The following AIRE variants were observed in gnomAD, a reference collection of about 807,000 sequenced individuals.
AIRE encodes the protein autoimmune regulator.
Under a neutral mutation model 62.1 loss-of-function variants are expected in AIRE, and 52 were observed. The ratio of observed to expected loss-of-function variants is 0.84; its 90% confidence interval spans 0.67 to 1.06. The LOEUF is 1.06. Ranked by LOEUF, AIRE falls within the 50% of genes least tolerant of loss-of-function variation. The pLI is 0.00. For missense variants in AIRE, 774 were observed against 755.8 expected (o/e 1.02, Z -0.28); for synonymous variants, 342 against 321.6 (o/e 1.06, Z -0.68).
At position 44,288,257 on chromosome 21, in the gene AIRE, A is replaced by G. The variant is rs189626783; in HGVS notation, c.539-88A>G. On this transcript the variant is annotated intron_variant, in intron 4 of 13. Transcript: ENST00000291582. ...CCTGGCTGGAAGGAAAGGGCTCTGC[A>G]GCCCAGTGCTGCCTGCTTCTGGCAT... 1,383 of 1,119,390 alleles carry G rather than the reference A, an allele frequency of 1.2e-3. 11 individuals carry two copies. In the African/African-American group the frequency reaches 0.019, roughly 16 times the overall value. 69.3% of individuals were successfully genotyped at this position (1,119,390 alleles called of 1,614,324 possible).
In AIRE at chr21:44,293,825, G is replaced by A; in HGVS notation, c.1315G>A (p.Asp439Asn). ...APGARCGVCG[D>N]GTDVLRCTHC... ...TGGTGCGCGTTGCGGGGTGTGCGGAGATGGTACGGACGTGCTGCGGTGTAC... is the reference window on the plus strand; with the variant it reads ...TGGTGCGCGTTGCGGGGTGTGCGGAAATGGTACGGACGTGCTGCGGTGTAC... The change falls in exon 11 of 14, where the codon GAT becomes AAT. Residue 439 changes from aspartate to asparagine, a missense_variant. By Grantham distance (23) the Asp-to-Asn change is conservative. Coordinates refer to ENST00000291582, the MANE Select transcript of AIRE (RefSeq NM_000383.4). 1 of 1,596,904 alleles carries A rather than the reference G, an allele frequency of 6.3e-7. No homozygotes were observed. Among genetic ancestry groups the A allele is most frequent in the Non-Finnish European group, 8.5e-7 (1 of 1,179,600 alleles).
chr21:44,297,943 G>A lies in AIRE; in HGVS notation c.*216G>A, dbSNP rs2040628507. The A allele has an allele frequency of 1.7e-6, 1 of 578,238 alleles. No individual in the cohort carries two copies. Among genetic ancestry groups the A allele is most frequent in the East Asian group, 2.9e-5 (1 of 33,964 alleles). 35.8% of individuals were successfully genotyped at this position (578,238 alleles called of 1,614,324 possible). ...ACTTCTCTACTCTGGAAGTCCCCGG[G>A]AGCCTCTCCTTGCCTGGTGACCTAC... On this transcript the variant is annotated 3_prime_UTR_variant, in exon 14 of 14. Coordinates refer to ENST00000291582, the MANE Select transcript of AIRE (RefSeq NM_000383.4). The surrounding 1 kb of genome is among the most constrained non-coding windows in gnomAD (Gnocchi z 4.8).
At chr21:44,289,517 C>T (rs1204416310) in intron 5 of AIRE, 140 bp from the exon 6 acceptor site, 68 of 1,222,796 alleles carry the variant, frequency 5.6e-5, no homozygotes, top group Middle Eastern at 5.0e-4. Context: ...CCAGACTCGA[C>T]TGGGGTGGGG....
In AIRE at chr21:44,289,995, G is replaced by T; in HGVS notation, c.806G>T (p.Gly269Val). 6.2e-7 allele frequency: 1 copy of T among 1,611,084 alleles called. No homozygotes were observed. The highest frequency in any genetic ancestry group is 8.5e-7 in the Non-Finnish European group (1 of 1,179,348). ...CGCCCCTCTTCCTTGCAGGGTGGAGGTGAGGCTAGGCTGGGCCAGCAGGGC... is the reference window on the plus strand; with the variant it reads ...CGCCCCTCTTCCTTGCAGGGTGGAGTTGAGGCTAGGCTGGGCCAGCAGGGC... ...KGAQGAAPGG[G>V]EARLGQQGSV... The change falls in exon 7 of 14, where the codon GGT (glycine) becomes GTT (valine). Residue 269 changes from glycine to valine, a missense_variant. By Grantham distance (109) the Gly-to-Val change is moderately radical. Around this residue, in one of 3 missense-constraint regions of AIRE, gnomAD observed 385 missense variants for 396.0 expected, o/e 0.97. Coordinates refer to ENST00000291582, the MANE Select transcript of AIRE (RefSeq NM_000383.4).
Position 44,291,357 on chromosome 21 carries a change from G to T in AIRE, c.995+147G>T, listed in dbSNP as rs1237394783. ...CAGGTCACTGGGCCGTGGGGCCGGG[G>T]CCTGGGGTTTTCCCACCCTGCCACC... On this transcript the variant is annotated intron_variant, in intron 8 of 13. Coordinates refer to ENST00000291582, the MANE Select transcript of AIRE (RefSeq NM_000383.4). 5.1e-6 allele frequency: 7 copies of T among 1,363,146 alleles called. No homozygotes were observed. The African/African-American group carries it at 1.0e-4, about 20-fold the overall frequency. 84.4% of individuals were successfully genotyped at this position (1,363,146 alleles called of 1,614,324 possible). A position where few individuals can be genotyped will look rare whatever the true frequency, so the allele number is the denominator to read the frequency against.
chr21:44,286,076 A>T lies in AIRE; in HGVS notation c.70A>T (p.Ser24Cys). Reference protein sequence around the residue: ...HRTEIAVAVDSAFPLLHALAD... With the variant: ...HRTEIAVAVDCAFPLLHALAD... ...CACGGAGATCGCGGTGGCCGTGGAC[A>T]GCGCCTTCCCACTGCTGCACGCGCT... Residue 24 changes from serine (S) to cysteine (C), a missense_variant, in exon 1 of 14, where the codon AGC (serine) becomes TGC (cysteine). Physicochemically the swap from Ser to Cys is moderately radical, Grantham distance 112 (BLOSUM62 -1). Coordinates refer to ENST00000291582, the MANE Select transcript of AIRE (RefSeq NM_000383.4). The surrounding 1 kb of genome is among the most constrained non-coding windows in gnomAD (Gnocchi z 6.0). 1 of 1,544,378 alleles carries T rather than the reference A, an allele frequency of 6.5e-7. No homozygotes were observed. The highest frequency in any genetic ancestry group is 8.7e-7 in the Non-Finnish European group (1 of 1,146,284).
chr21:44,287,483 G>C lies in AIRE; in HGVS notation c.464-34G>C. On this transcript the variant is annotated intron_variant, in intron 3 of 13. Transcript: ENST00000291582. The surrounding 1 kb of genome is among the most constrained non-coding windows in gnomAD (Gnocchi z 4.3). ...CACCGGCACTCACCCCCACTGAGAG[G>C]GGAGGCCAGGCTGCCCCCAGCTCCC... The C allele has an allele frequency of 1.3e-6, 2 of 1,512,448 alleles. No homozygotes were observed. Among genetic ancestry groups the C allele is most frequent in the Non-Finnish European group, 1.8e-6 (2 of 1,113,714 alleles). 93.7% of individuals were successfully genotyped at this position (1,512,448 alleles called of 1,614,324 possible). A position where few individuals can be genotyped will look rare whatever the true frequency, so the allele number is the denominator to read the frequency against.
At chr21:44,289,502 G>A (rs1270556173) in intron 5 of AIRE, 155 bp from the exon 6 acceptor site, 24 of 905,052 alleles carry the variant, frequency 2.7e-5, no homozygotes, top group South Asian at 4.4e-5. Flanking sequence ...GACAATCCCC[G>A]GGCCCCAGAC....
Position 44,293,004 on chromosome 21 carries a change from G to A in AIRE, c.1107G>A (p.Gly369=). The change falls in exon 10 of 14, where the codon GGG becomes GGA. Residue 369 remains glycine, a synonymous_variant. Transcript: ENST00000291582. ...EPPVETPLPP[G]LRSAGEEVRG... is the part of the protein sequence containing the mutation. ...CCCTTGGGTTCCAGCTCCCCCCGGG[G>A]CTTAGGTCGGCGGGAGAGGAGGTAA... The A allele has an allele frequency of 6.2e-7, 1 of 1,612,430 alleles. No individual in the cohort carries two copies. Among genetic ancestry groups the A allele is most frequent in the Non-Finnish European group, 8.5e-7 (1 of 1,179,792 alleles).
rs1243276168 is a variant in AIRE, at chr21:44,287,261, G to T, written c.463+128G>T. On this transcript the variant is annotated intron_variant, in intron 3 of 13. Coordinates refer to ENST00000291582, the MANE Select transcript of AIRE (RefSeq NM_000383.4). This position sits in a 1 kb window ranked among gnomAD's most constrained non-coding sequence, Gnocchi z 4.3. ...GGGCCAGCCTGCCTGGGGCTGTGGG[G>T]GTCTCCTCTGGGTACTAGACCCACA... is the stretch of plus-strand genomic sequence containing the variant. 3 of 1,164,164 alleles carry T rather than the reference G, an allele frequency of 2.6e-6. No homozygotes were observed. The highest frequency in any genetic ancestry group is 3.7e-6 in the Non-Finnish European group (3 of 817,734). The allele number at this position is 1,164,164 out of a possible 1,614,324, so 72.1% of individuals were successfully genotyped here. A position where few individuals can be genotyped will look rare whatever the true frequency, so the allele number is the denominator to read the frequency against.
rs557583159 is a variant in AIRE at position 44,298,525 on chromosome 21, A to G, written c.*798A>G. 5 of 152,740 alleles carry G rather than the reference A, an allele frequency of 3.3e-5. No homozygotes were observed. The highest frequency in any genetic ancestry group is 2.0e-4 in the Admixed American group (3 of 15,364). 9.5% of individuals were successfully genotyped at this position (152,740 alleles called of 1,614,324 possible). ...TGGATGGACTGCATTGTGTTCATCT[A>G]TGCTTTCCTCAGCAGACACCTGGGT... On this transcript the variant is annotated 3_prime_UTR_variant, in exon 14 of 14. Coordinates refer to ENST00000291582, the MANE Select transcript of AIRE (RefSeq NM_000383.4).
chr21:44,288,003 G>A (rs1298313439), intron 4 of AIRE, among the ~76,000 whole-genome samples: 6 of 152,146 alleles, frequency 3.9e-5, no homozygotes, highest in South Asian at 2.1e-4. Context: ...CCTGAGGGCA[G>A]AGCCTAGGAA....
chr21:44,294,054 C>T, intron 11 of AIRE, 144 bp downstream of exon 11: 1 of 1,132,536 alleles, frequency 8.8e-7, no homozygotes, highest in Non-Finnish European at 1.2e-6. Context: ...CCCCACCCCA[C>T]ACCCATGCCC....
chr21:44,287,129 C>T lies in AIRE; in HGVS notation c.459C>T (p.Ser153=), dbSNP rs997396625. 2.5e-6 allele frequency: 4 copies of T among 1,612,164 alleles called. No homozygotes were observed. Among genetic ancestry groups the T allele is most frequent in the Non-Finnish European group, 3.4e-6 (4 of 1,179,896 alleles). Residue 153 remains serine, a synonymous_variant, in exon 3 of 14, where the codon AGC becomes AGT. Coordinates refer to ENST00000291582, the MANE Select transcript of AIRE (RefSeq NM_000383.4). This position sits in a 1 kb window ranked among gnomAD's most constrained non-coding sequence, Gnocchi z 4.3. ...CCCTGACTCCAAGGGGCACCGCCAG[C>T]CCAGGTACCCTCCCTGCAGGGGAAG... is the stretch of plus-strand genomic sequence containing the variant. ...PAALTPRGTA[S]PGSQLKAKPP...
At chr21:44,291,687 G>A (rs1318732399) in intron 8 of AIRE, among the ~76,000 whole-genome samples, 2 of 152,146 alleles carry the variant, frequency 1.3e-5, no homozygotes, top group African/African-American at 4.8e-5. Context: ...TTCACATCCC[G>A]GTGCTCCTTC....
chr21:44,295,036 C>T (rs1358271790), intron 12 of AIRE, among the ~76,000 whole-genome samples: 2 of 152,182 alleles, frequency 1.3e-5, no homozygotes, highest in Admixed American at 6.5e-5. Flanking sequence ...ACTGCTGGGG[C>T]GGCTGGGCTT....
At position 44,286,360 on chromosome 21, in the gene AIRE, C is replaced by T. The variant is rs1463114833; in HGVS notation, c.133-197C>T. ...CTCACCCCCAAGCCAAGGGAATGGC[C>T]TCCAGGTTCCCCCAGCCCCACCCTC... On this transcript the variant is annotated intron_variant, in intron 1 of 13. Transcript: ENST00000291582. This position sits in a 1 kb window ranked among gnomAD's most constrained non-coding sequence, Gnocchi z 6.0. 6.6e-6 allele frequency among the ~76,000 whole-genome samples: 1 copy of T among 151,982 alleles called. No individual in the cohort carries two copies. The highest frequency in any genetic ancestry group is 1.5e-5 in the Non-Finnish European group (1 of 67,978).
chr21:44,285,887 C>A lies in AIRE; in HGVS notation c.-120C>A, dbSNP rs9978641. 3.7e-3 allele frequency: 3,702 copies of A among 1,009,686 alleles called. 126 individuals are homozygous for A. In the African/African-American group the frequency reaches 0.06, roughly 16 times the overall value. 62.5% of individuals were successfully genotyped at this position (1,009,686 alleles called of 1,614,324 possible). On this transcript the variant is annotated 5_prime_UTR_variant, in exon 1 of 14. Transcript: ENST00000291582. Reference sequence around the variant, plus strand: ...GTGGCTCGCAGACCGGGGAGACGGGCGGGCGCACAGCCGGCGCGGAGGCCC... The same window carrying A: ...GTGGCTCGCAGACCGGGGAGACGGGAGGGCGCACAGCCGGCGCGGAGGCCC...
chr21:44,293,330 G>A (rs2847225), intron 10 of AIRE, among the ~76,000 whole-genome samples, 155 bp downstream of exon 10: 1 of 151,646 alleles, frequency 6.6e-6, no homozygotes, highest in African/African-American at 2.4e-5. Flanking sequence ...GGGGGGCTGC[G>A]GGGGGAAGGG....
Sources: allele counts gnomAD v4.1 joint callset (sites outside exome capture counted in the v4.1 genomes callset), GRCh38; gene constraint gnomAD v4.1.1; regional missense constraint gnomAD v4.1.1; non-coding constraint Gnocchi (gnomAD v3.1); transcripts MANE v1.5; gene names NCBI Gene and HGNC (gene_info 2026-07-23, HGNC 2026-07-21).